The following CFAP46 variants were observed in gnomAD, a reference collection of about 807,000 sequenced individuals.
The protein encoded by CFAP46 is cilia- and flagella-associated protein 46.
In CFAP46, 245 loss-of-function variants were observed where a neutral mutation model predicts 325.7. The ratio of observed to expected loss-of-function variants is 0.75; its 90% CI spans 0.68 to 0.84. The LOEUF (loss-of-function observed/expected upper bound fraction) is 0.84, where lower values mean the gene tolerates loss of function less well. Among genes scored for constraint, CFAP46 ranks in the 40% least tolerant of loss-of-function variants. The pLI, the probability that CFAP46 is intolerant of heterozygous loss-of-function variation, is 0.00. For synonymous variants in CFAP46, 1,523 were observed against 1,495.9 expected, an observed-to-expected ratio of 1.02 and a Z score of -0.42; for missense variants, 3,346 against 3,543.0, an observed-to-expected ratio of 0.94 and a Z score of 1.41.
intron 43 of CFAP46, among the ~76,000 whole-genome samples, chr10:132,846,645 G>T (rs55845648): frequency 6.6e-6 from 1 of 150,650 alleles, no homozygotes; most frequent in African/African-American, 2.4e-5. Flanking sequence ...GTGTCTGCCC[G>T]ATCCTCTGTG....
chr10:132,812,141 G>A (rs1847593531), intron 55 of CFAP46, among the ~76,000 whole-genome samples: 3 of 152,192 alleles, frequency 2.0e-5, no homozygotes, highest in South Asian at 2.1e-4. Flanking sequence ...TGCGGTGTCC[G>A]AGTGGCTGCG....
At position 132,888,900 on chromosome 10, in the gene CFAP46, T is replaced by A. The variant is rs535508786; in HGVS notation, c.3305-2941A>T. ...CGCCTGCACCTGCCACCTTCACCCCTGCCGCCTGCACCTGCCACCCCCACT... is the reference window on the plus strand; with the variant it reads ...CGCCTGCACCTGCCACCTTCACCCCAGCCGCCTGCACCTGCCACCCCCACT... On this transcript the variant is annotated intron_variant, in intron 25 of 57. Coordinates refer to ENST00000368586, the MANE Select transcript of CFAP46 (RefSeq NM_001200049.3). Among the ~76,000 whole-genome samples the A allele has an allele frequency of 2.3e-3, 341 of 151,356 alleles. 1 individual carries two copies. Among genetic ancestry groups the A allele is most frequent in the African/African-American group, 7.8e-3 (320 of 41,140 alleles).
At position 132,847,471 on chromosome 10, in the gene CFAP46, T is replaced by A; in HGVS notation, c.5953-150A>T. The A allele has an allele frequency of 1.1e-6, 1 of 912,752 alleles. No homozygotes were observed. The highest frequency in any genetic ancestry group is 1.5e-5 in the South Asian group (1 of 64,602). The allele number at this position is 912,752 out of a possible 1,614,324, so 56.5% of individuals were successfully genotyped here. ...CAGGCCACAGCATGGCCTCTCACTA[T>A]CCCAAACCCTCCATCCCTGAGTTGA... is the stretch of plus-strand genomic sequence containing the variant. On this transcript the variant is annotated intron_variant, in intron 41 of 57. Coordinates refer to ENST00000368586, the MANE Select transcript of CFAP46 (RefSeq NM_001200049.3). The surrounding 1 kb of genome is among the most constrained non-coding windows in gnomAD (Gnocchi z 5.2).
At chr10:132,845,505 C>G (rs1379780080) in intron 44 of CFAP46, among the ~76,000 whole-genome samples, 1 of 152,314 alleles carries the variant, frequency 6.6e-6, no homozygotes, top group East Asian at 1.9e-4. Flanking sequence ...GAGGCAGCCA[C>G]GCAGCCGAAG....
rs376240960 is a variant in CFAP46, at chr10:132,934,842, A to C, written c.776T>G (p.Leu259Ter). Residue 259 changes from leucine (L) to a stop codon, truncating the protein, a stop_gained, in exon 8 of 58, where the codon TTA (leucine) becomes TGA (stop). Transcript: ENST00000368586. LOFTEE classifies it high-confidence loss of function. ...CAGAATGACACTGATGTCACCTGGT[A>C]AATCATTTTGCTCCGCTTTTCTAGA... The part of the protein sequence containing the change: ...MLKAKAEQND[L>*]PGDISVILRK... 2.0e-5 allele frequency: 32 copies of C among 1,608,022 alleles called. No individual in the cohort carries two copies. The highest frequency in any genetic ancestry group is 1.6e-4 in the Middle Eastern group (1 of 6,068).
intron 17 of CFAP46, among the ~76,000 whole-genome samples, chr10:132,915,617 C>T (rs1484051705): frequency 6.6e-6 from 1 of 150,896 alleles, no homozygotes; most frequent in Non-Finnish European, 1.5e-5. Context: ...CAGCTTCTGC[C>T]CCGAGGGACC....
chr10:132,888,201 C>G (rs111697804), intron 25 of CFAP46, among the ~76,000 whole-genome samples: 1 of 151,660 alleles, frequency 6.6e-6, no homozygotes, highest in Admixed American at 6.6e-5. Flanking sequence ...GGCACCAATG[C>G]GGGCTCCACC....
chr10:132,809,491 C>G (rs561742049), intron 57 of CFAP46, among the ~76,000 whole-genome samples: 2 of 152,214 alleles, frequency 1.3e-5, no homozygotes, highest in African/African-American at 4.8e-5. Context: ...CCTCTCTCCC[C>G]CAACAAGCAG....
intron 1 of CFAP46, 47 bp from the exon 2 acceptor site, chr10:132,942,151 G>A (rs987146736): frequency 9.7e-6 from 15 of 1,547,502 alleles, no homozygotes; most frequent in Non-Finnish European, 1.2e-5. Flanking sequence ...TGGGCTGGGA[G>A]AAGTGAGCCG....
Position 132,919,420 on chromosome 10 carries a change from C to T in CFAP46, c.1753G>A (p.Ala585Thr). The T allele has an allele frequency of 6.5e-7, 1 of 1,549,982 alleles. No homozygotes were observed. The highest frequency in any genetic ancestry group is 1.2e-5 in the South Asian group (1 of 84,018). The change falls in exon 15 of 58, where the codon GCC becomes ACC. Residue 585 changes from alanine (A) to threonine (T), a missense_variant. Physicochemically the swap from Ala to Thr is moderately conservative, Grantham distance 58. Transcript: ENST00000368586. The surrounding 1 kb of genome is among the most constrained non-coding windows in gnomAD (Gnocchi z 9.7). Reference sequence around the variant, plus strand: ...ACGCCTTGTTTCCGGGCCACTTTGGCCAGCTCTGCCCAAATCTGTATCCTG... The same window carrying T: ...ACGCCTTGTTTCCGGGCCACTTTGGTCAGCTCTGCCCAAATCTGTATCCTG... ...KERIQIWAEL[A>T]KVARKQGVWD...
At chr10:132,815,496 ATTTC>A (rs1847677206) in intron 50 of CFAP46, among the ~76,000 whole-genome samples, 2 of 152,200 alleles carry the variant, frequency 1.3e-5, no homozygotes, top group Non-Finnish European at 2.9e-5. Flanking sequence ...CTTTTGATGG[ATTTC>A]TTTATCAGGA....
chr10:132,812,882 C>T lies in CFAP46; in HGVS notation c.7404G>A (p.Glu2468=), dbSNP rs1462608649. The T allele has an allele frequency of 1.9e-6, 3 of 1,608,482 alleles. No individual in the cohort carries two copies. The African/African-American group carries it at 4.0e-5, about 21-fold the overall frequency. ...SKHFPSQAQW[E]QALGSCSGFF... Reference sequence around the variant, plus strand: ...AACCGCTGCAGCTGCCCAGGGCCTGCTCCCACTGGGCCTGGCTGCAGAGAG... The same window carrying T: ...AACCGCTGCAGCTGCCCAGGGCCTGTTCCCACTGGGCCTGGCTGCAGAGAG... Residue 2468 remains glutamate (E), a synonymous_variant, in exon 55 of 58, where the codon GAG becomes GAA. Transcript: ENST00000368586.
At chr10:132,863,928 C>A (rs1848762718) in intron 35 of CFAP46, among the ~76,000 whole-genome samples, 1 of 149,132 alleles carries the variant, frequency 6.7e-6, no homozygotes. Context: ...CATGCACACA[C>A]CTCTCCCTGC....
rs571695670 is a variant in CFAP46 at position 132,816,201 on chromosome 10, C to T, written c.7118-1287G>A. Among the ~76,000 whole-genome samples, 8 of 151,708 alleles carry T rather than the reference C, an allele frequency of 5.3e-5. No individual in the cohort carries two copies. The East Asian group carries it at 9.7e-4, about 18-fold the overall frequency. ...CCTGTCGCTGCTGGTGCGTCGTTAG[C>T]GCTGTGTCTTTCCGTTTCTGGCGTT... is the stretch of plus-strand genomic sequence containing the variant. On this transcript the variant is annotated intron_variant, in intron 50 of 57. Coordinates refer to ENST00000368586, the MANE Select transcript of CFAP46 (RefSeq NM_001200049.3).
intron 13 of CFAP46, among the ~76,000 whole-genome samples, chr10:132,920,883 A>G (rs376379504): frequency 6.6e-6 from 1 of 152,216 alleles, no homozygotes. Context: ...CCAGGCAGCC[A>G]GCAGCACACG....
chr10:132,816,858 G>A (rs895836481), intron 50 of CFAP46, among the ~76,000 whole-genome samples: 3 of 152,170 alleles, frequency 2.0e-5, no homozygotes, highest in African/African-American at 7.2e-5. Context: ...CTGCCTTCGG[G>A]AACTGCTTTC....
intron 32 of CFAP46, among the ~76,000 whole-genome samples, chr10:132,870,004 C>T (rs1285963162): frequency 1.3e-5 from 2 of 152,204 alleles, no homozygotes; most frequent in Non-Finnish European, 2.9e-5. Flanking sequence ...CCAAGTCCAT[C>T]GGCGCCATTT....
chr10:132,916,815 G>A, intron 16 of CFAP46, 133 bp from the exon 17 acceptor site: 2 of 1,300,610 alleles, frequency 1.5e-6, no homozygotes, highest in Non-Finnish European at 2.0e-6. Context: ...CGTTTGCTGT[G>A]CCCTTTGCAA....
chr10:132,857,930 A>C, intron 38 of CFAP46, 142 bp from the exon 39 acceptor site: 1 of 735,966 alleles, frequency 1.4e-6, no homozygotes, highest in Non-Finnish European at 2.2e-6. Context: ...GACATCCTCG[A>C]TACGTCTTAG....
Sources: gnomAD v4.1 joint callset for allele counts (sites outside exome capture counted in the v4.1 genomes callset) on GRCh38, gnomAD v4.1.1 for gene constraint, Gnocchi (gnomAD v3.1) non-coding constraint, MANE v1.5 for transcripts, NCBI Gene and HGNC (gene_info 2026-07-23, HGNC 2026-07-21) for gene names.